ZNF91: variants seen among roughly 807,000 people sequenced by gnomAD.
ZNF91 encodes zinc finger protein 91.
In ZNF91, 7 loss-of-function variants were observed where a neutral mutation model predicts 12.6. The ratio of observed to expected loss-of-function variants is 0.55; its 90% CI spans 0.31 to 1.04. The LOEUF (loss-of-function observed/expected upper bound fraction) is 1.04. Ranked by LOEUF, ZNF91 falls within the 50% of genes least tolerant of loss-of-function variation. The pLI, the probability that ZNF91 is intolerant of heterozygous loss-of-function variation, is 0.05. For synonymous variants in ZNF91, 453 were observed against 462.6 expected (o/e 0.98, Z 0.27); for missense variants, 1,217 against 1,385.4 (o/e 0.88, Z 1.93).
chr19:23,338,427 A>G (rs1968056383), downstream of ZNF91: 1 of 152,180 alleles, frequency 6.6e-6, no homozygotes, highest in Admixed American at 6.5e-5. Context: ...AATAACCTTC[A>G]CAAATGAAGA....
chr19:23,372,376 C>A (rs763113458), intron 3 of ZNF91, among the ~76,000 whole-genome samples: 1 of 151,838 alleles, frequency 6.6e-6, no homozygotes, highest in Admixed American at 6.6e-5. Context: ...GAACTGCTTC[C>A]GGTCAAAATA....
chr19:23,354,382 T>C (rs1258523496), downstream of ZNF91, among the ~76,000 whole-genome samples: 1 of 152,070 alleles, frequency 6.6e-6, no homozygotes, highest in Non-Finnish European at 1.5e-5. Context: ...ATCATCTGAA[T>C]AGATGCAGAA....
At chr19:23,341,417 A>G (rs1322321915) in intron 3 of ZNF91, among the ~76,000 whole-genome samples, 1 of 152,184 alleles carries the variant, frequency 6.6e-6, no homozygotes, top group African/African-American at 2.4e-5. Flanking sequence ...TTATTATATG[A>G]AAATGATACG....
At chr19:23,342,573 A>G (rs1968146866) in intron 3 of ZNF91, among the ~76,000 whole-genome samples, 1 of 151,626 alleles carries the variant, frequency 6.6e-6, no homozygotes, top group Non-Finnish European at 1.5e-5. Flanking sequence ...GATTAGCTCA[A>G]GAGAGGGGAA....
chr19:23,305,224 A>G (rs1469608805), intron 3 of ZNF91: 1 of 152,190 alleles, frequency 6.6e-6, no homozygotes, highest in African/African-American at 2.4e-5. Flanking sequence ...ATACAAACAC[A>G]TACAATATAT....
intron 1 of ZNF91, among the ~76,000 whole-genome samples, chr19:23,392,777 C>T (rs1313444741): frequency 2.6e-5 from 4 of 151,948 alleles, no homozygotes; most frequent in Non-Finnish European, 5.9e-5. Context: ...CCAGCCTGGG[C>T]GACAGAGCAA....
intron 1 of ZNF91, among the ~76,000 whole-genome samples, chr19:23,382,933 G>A (rs1969768498): frequency 6.6e-6 from 1 of 152,056 alleles, no homozygotes; most frequent in Admixed American, 6.6e-5. Context: ...AAAAGTGCTG[G>A]TATTATTTCT....
chr19:23,365,710 T>C (rs1968976468), intron 3 of ZNF91, among the ~76,000 whole-genome samples: 1 of 152,110 alleles, frequency 6.6e-6, no homozygotes, highest in Admixed American at 6.5e-5. Flanking sequence ...CAGAGGACCC[T>C]GCGGCCTTCC....
At chr19:23,345,868 C>G (rs1374314836) in intron 3 of ZNF91, among the ~76,000 whole-genome samples, 2 of 152,050 alleles carry the variant, frequency 1.3e-5, no homozygotes, top group African/African-American at 4.8e-5. Context: ...CCGCCCTCTC[C>G]TGAGGCTTGT....
chr19:23,368,806 A>G (rs1353732353), intron 3 of ZNF91, among the ~76,000 whole-genome samples: 2 of 151,956 alleles, frequency 1.3e-5, no homozygotes, highest in Non-Finnish European at 2.9e-5. Flanking sequence ...AAAACGGAAC[A>G]ATAAAGTTAA....
downstream of ZNF91, among the ~76,000 whole-genome samples, chr19:23,336,448 T>C (rs1215083347): frequency 3.9e-5 from 6 of 152,220 alleles, no homozygotes; most frequent in Admixed American, 3.3e-4. Context: ...AGGAGGAAGC[T>C]AGCTAATCTT....
At chr19:23,383,272 A>T (rs1568401880) in intron 1 of ZNF91, among the ~76,000 whole-genome samples, 1 of 152,234 alleles carries the variant, frequency 6.6e-6, no homozygotes, top group African/African-American at 2.4e-5. Flanking sequence ...ATGCAGAAAA[A>T]GCTTTTGGTA....
chr19:23,322,626 C>T (rs1020724210), intron 1 of ZNF91, among the ~76,000 whole-genome samples: 9 of 151,922 alleles, frequency 5.9e-5, no homozygotes, highest in Non-Finnish European at 1.3e-4. Flanking sequence ...TAATTACTGT[C>T]ACAAAGTGAT....
chr19:23,361,591 T>C lies in ZNF91; in HGVS notation c.1388A>G (p.Lys463Arg). ...KRFHTREKPF[K>R]CKECGKAFIW... ...AAATGCTTTGCCACATTCTTTACAT[T>C]TGAAGGGTTTCTCTCTAGTATGAAA... Residue 463 changes from lysine (K) to arginine (R), a missense_variant, in exon 4 of 4, where the codon AAA becomes AGA. Physicochemically the swap from Lys to Arg is conservative, Grantham distance 26 (BLOSUM62 2). This residue lies in a region of ZNF91 where 726 missense variants were observed against 895.5 expected (regional missense o/e 0.81). Coordinates refer to ENST00000300619, the MANE Select transcript of ZNF91 (RefSeq NM_003430.4). 6.2e-7 allele frequency: 1 copy of C among 1,613,810 alleles called. No homozygotes were observed. The highest frequency in any genetic ancestry group is 1.1e-5 in the South Asian group (1 of 91,068).
chr19:23,393,530 C>T (rs1365849450), intron 1 of ZNF91, among the ~76,000 whole-genome samples: 5 of 152,058 alleles, frequency 3.3e-5, no homozygotes, highest in African/African-American at 9.7e-5. Context: ...AAAAGGAAAA[C>T]CTGACCCAAA....
intron 3 of ZNF91, among the ~76,000 whole-genome samples, chr19:23,373,051 G>T (rs965051552): frequency 6.6e-6 from 1 of 152,074 alleles, no homozygotes; most frequent in Non-Finnish European, 1.5e-5. Flanking sequence ...AAACCCAGCA[G>T]ACTTAAGACC....
downstream of ZNF91, among the ~76,000 whole-genome samples, chr19:23,353,136 C>T (rs1237737728): frequency 6.6e-6 from 1 of 152,170 alleles, no homozygotes; most frequent in Non-Finnish European, 1.5e-5. Flanking sequence ...AACATTTCAT[C>T]CAACAACCGC....
intron 3 of ZNF91, among the ~76,000 whole-genome samples, chr19:23,365,844 AGTGGACAC>A (rs901208727): frequency 6.6e-6 from 1 of 152,178 alleles, no homozygotes; most frequent in African/African-American, 2.4e-5. Context: ...TTTAACCCTG[AGTGGACAC>A]AGCACATGTT....
At chr19:23,354,228 G>A (rs911001647), downstream of ZNF91, among the ~76,000 whole-genome samples, 4 of 152,048 alleles carry the variant, frequency 2.6e-5, no homozygotes, top group African/African-American at 4.8e-5. Context: ...AAAACATGTC[G>A]AAAAGAATAT....
Sources: allele counts gnomAD v4.1 joint callset (sites outside exome capture counted in the v4.1 genomes callset), GRCh38; gene constraint gnomAD v4.1.1; regional missense constraint gnomAD v4.1.1; transcripts MANE v1.5; gene names NCBI Gene and HGNC (gene_info 2026-07-23, HGNC 2026-07-21).